NCK2: variants seen among roughly 807,000 people sequenced by gnomAD.
The protein encoded by NCK2 is cytoplasmic protein NCK2.
A neutral mutation model predicts 33.9 loss-of-function variants in NCK2; 16 were observed. The observed-to-expected ratio is 0.47, with a 90% CI of 0.32 to 0.72. NCK2 has a LOEUF of 0.72. Among genes scored for constraint, NCK2 ranks in the 30% least tolerant of loss-of-function variants. The pLI is 0.03. For synonymous variants in NCK2, 273 were observed against 239.9 expected, an observed-to-expected ratio of 1.14 and a Z score of -1.27; for missense variants, 418 against 537.3, an observed-to-expected ratio of 0.78 and a Z score of 2.19.
At chr2:105,774,172 C>A (rs1229716419) in intron 1 of NCK2, among the ~76,000 whole-genome samples, 1 of 151,974 alleles carries the variant, frequency 6.6e-6, no homozygotes, top group Non-Finnish European at 1.5e-5. Flanking sequence ...CCACACCCAG[C>A]TAATTTTTGT....
chr2:105,837,396 A>G (rs1281103268), intron 2 of NCK2, among the ~76,000 whole-genome samples: 4 of 151,962 alleles, frequency 2.6e-5, no homozygotes, highest in Admixed American at 1.3e-4. Flanking sequence ...CGCCTCCCCA[A>G]TTGCATATTG....
chr2:105,766,081 T>C (rs1689934918), intron 1 of NCK2, among the ~76,000 whole-genome samples: 1 of 152,014 alleles, frequency 6.6e-6, no homozygotes, highest in African/African-American at 2.4e-5. Context: ...CCATGGATAG[T>C]AGAAATCGCT....
chr2:105,824,218 C>T (rs1675858414), intron 2 of NCK2, among the ~76,000 whole-genome samples: 1 of 152,188 alleles, frequency 6.6e-6, no homozygotes, highest in Non-Finnish European at 1.5e-5. Flanking sequence ...CAGAATGCCC[C>T]GTCCGTAAAT....
At chr2:105,885,730 G>GT (rs1678694191) in intron 4 of NCK2, among the ~76,000 whole-genome samples, 1 of 152,058 alleles carries the variant, frequency 6.6e-6, no homozygotes, top group Admixed American at 6.5e-5. Flanking sequence ...TGCATTCTTA[G>GT]TGGTTTTATA....
At chr2:105,838,605 A>C (rs927894424) in intron 2 of NCK2, among the ~76,000 whole-genome samples, 4 of 152,228 alleles carry the variant, frequency 2.6e-5, no homozygotes, top group Non-Finnish European at 4.4e-5. Flanking sequence ...ATAACAATGA[A>C]TATATCAAGA....
intron 3 of NCK2, among the ~76,000 whole-genome samples, chr2:105,863,285 C>T (rs1346605816): frequency 6.6e-6 from 1 of 152,102 alleles, no homozygotes; most frequent in African/African-American, 2.4e-5. Context: ...AAGGGCAGAG[C>T]TGTTCATCTC....
intron 1 of NCK2, among the ~76,000 whole-genome samples, chr2:105,812,220 C>A (rs2104472678): frequency 6.6e-6 from 1 of 152,230 alleles, no homozygotes; most frequent in South Asian, 2.1e-4. Flanking sequence ...GTTTCTAAAC[C>A]CTGCCTGGGA....
In NCK2 at chr2:105,755,191, G is replaced by A. The variant is rs549555863; in HGVS notation, c.-201+10053G>A. ...TCTGTCTTGCTTCAGTTCCCTTTTC[G>A]TAGTTTCCTTACTAGGTCTATTTTA... On this transcript the variant is annotated intron_variant, in intron 1 of 4. Transcript: ENST00000233154. Among the ~76,000 whole-genome samples the A allele has an allele frequency of 5.3e-5, 8 of 152,052 alleles. No individual in the cohort carries two copies. The South Asian group carries it at 8.3e-4, about 16-fold the overall frequency.
chr2:105,770,370 G>A (rs1005895366), intron 1 of NCK2, among the ~76,000 whole-genome samples: 1 of 152,144 alleles, frequency 6.6e-6, no homozygotes, highest in African/African-American at 2.4e-5. Context: ...CTTTTTAAAG[G>A]ATGATGTTTG....
At chr2:105,889,927 T>G (rs558548517) in intron 4 of NCK2, among the ~76,000 whole-genome samples, 88 of 152,314 alleles carry the variant, frequency 5.8e-4, no homozygotes, top group African/African-American at 2.0e-3. Flanking sequence ...AGGATGCTCA[T>G]GCTGCTGGTC....
intron 3 of NCK2, among the ~76,000 whole-genome samples, chr2:105,867,704 C>T (rs754257460): frequency 1.2e-4 from 18 of 152,134 alleles, no homozygotes; most frequent in Non-Finnish European, 2.1e-4. Flanking sequence ...GAGAGCCAGT[C>T]GTGTCCTGGT....
At chr2:105,857,030 CTTTTTTT>C (rs778367390) in intron 3 of NCK2, 1 of 54,140 alleles carries the variant, frequency 1.8e-5, no homozygotes, top group Non-Finnish European at 3.6e-5. Flanking sequence ...TGTGTGTCTT[CTTTTTTT>C]TTTTTTTTTT....
At chr2:105,754,451 G>C (rs7604409) in intron 1 of NCK2, among the ~76,000 whole-genome samples, 18,624 of 152,168 alleles carry the variant, frequency 0.12, 1,440 homozygotes, top group Admixed American at 0.24. Context: ...TAAGAATTTT[G>C]GTTGCGTGTT....
intron 1 of NCK2, among the ~76,000 whole-genome samples, chr2:105,770,915 T>C (rs1389839728): frequency 1.7e-5 from 2 of 114,414 alleles, no homozygotes; most frequent in African/African-American, 8.4e-5. Context: ...TGTTTGTTTG[T>C]TTGTTTTTGC....
chr2:105,886,205 G>C (rs1678714328), intron 4 of NCK2, among the ~76,000 whole-genome samples: 3 of 152,192 alleles, frequency 2.0e-5, no homozygotes. Context: ...TTTTAAGCCT[G>C]GATTTTTGTA....
intron 1 of NCK2, among the ~76,000 whole-genome samples, chr2:105,805,780 T>G (rs182365106): frequency 1.3e-5 from 2 of 152,346 alleles, no homozygotes; most frequent in Admixed American, 1.3e-4. Flanking sequence ...AGGATTTCCC[T>G]TTTTAGGATT....
intron 1 of NCK2, among the ~76,000 whole-genome samples, chr2:105,801,441 G>C (rs1311601462): frequency 1.3e-5 from 2 of 149,958 alleles, no homozygotes; most frequent in Non-Finnish European, 3.0e-5. Flanking sequence ...TCTCCTCACA[G>C]TCTATTTACA....
At chr2:105,762,256 G>C (rs1176687650) in intron 1 of NCK2, among the ~76,000 whole-genome samples, 1 of 152,184 alleles carries the variant, frequency 6.6e-6, no homozygotes, top group Non-Finnish European at 1.5e-5. Context: ...AAGAGGCCTT[G>C]CCGAGGAAAC....
intron 1 of NCK2, among the ~76,000 whole-genome samples, chr2:105,761,126 T>C (rs1689751656): frequency 6.6e-6 from 1 of 152,178 alleles, no homozygotes; most frequent in Admixed American, 6.5e-5. Flanking sequence ...GAGGCCATGC[T>C]GGTGTGCCTG....
Sources: gnomAD v4.1 joint callset for allele counts (sites outside exome capture counted in the v4.1 genomes callset) on GRCh38, gnomAD v4.1.1 for gene constraint, MANE v1.5 for transcripts, NCBI Gene and HGNC (gene_info 2026-07-23, HGNC 2026-07-21) for gene names.